Variants in PTPN18 observed in about 807,000 individuals in gnomAD.
PTPN18 encodes the protein tyrosine-protein phosphatase non-receptor type 18.
Under a neutral mutation model 65.4 loss-of-function variants are expected in PTPN18, and 65 were observed. That is an observed-to-expected ratio of 0.99 (90% CI 0.81 to 1.22). The LOEUF is 1.22. Ranked by LOEUF, PTPN18 falls within the 50% of genes most tolerant of loss-of-function variation. The pLI is 0.00. For missense variants in PTPN18, 616 were observed against 646.5 expected, an observed-to-expected ratio of 0.95 and a Z score of 0.51; for synonymous variants, 255 against 267.8, an observed-to-expected ratio of 0.95 and a Z score of 0.47.
rs765222334 is a variant in PTPN18, at chr2:130,369,138, G to T, written c.420G>T (p.Arg140Ser). Residue 140 changes from arginine (R) to serine (S), a missense_variant, in exon 6 of 15, where the codon AGG becomes AGT. Physicochemically the swap from Arg to Ser is moderately radical, Grantham distance 110. Around this residue, in one of 3 missense-constraint regions of PTPN18, gnomAD observed 223 missense variants for 210.0 expected, o/e 1.06. Transcript: ENST00000175756. ...ACREIENGRK[R>S]CERYWAQEQE... ...TTCTCCCTTACCTTTTGCAGAAAAG[G>T]TGTGAGCGGTACTGGGCCCAGGAGC... 8.1e-6 allele frequency: 13 copies of T among 1,611,636 alleles called. No homozygotes were observed. The highest frequency in any genetic ancestry group is 1.1e-5 in the South Asian group (1 of 90,872).
In PTPN18 at chr2:130,372,866, C is replaced by G; in HGVS notation, c.1241-7C>G. The stretch of plus-strand genomic sequence containing the variant: ...GAGCTGACCCGTGGGGGGTCTGCTG[C>G]CCTCAGTTCCTGCTGACCAAAGTCC... On this transcript the variant is annotated splice_polypyrimidine_tract_variant and splice_region_variant and intron_variant, in intron 13 of 14. Coordinates refer to ENST00000175756, the MANE Select transcript of PTPN18 (RefSeq NM_014369.4). The G allele has an allele frequency of 1.2e-6, 2 of 1,614,042 alleles. No individual in the cohort carries two copies. The highest frequency in any genetic ancestry group is 1.7e-6 in the Non-Finnish European group (2 of 1,180,000).
intron 5 of PTPN18, among the ~76,000 whole-genome samples, chr2:130,360,552 T>G (rs368628538): frequency 1.3e-5 from 2 of 152,220 alleles, no homozygotes; most frequent in East Asian, 1.9e-4. Flanking sequence ...CTATCTCTTT[T>G]TTCATGCTCC....
chr2:130,369,508 A>C (rs1034199147), intron 6 of PTPN18, among the ~76,000 whole-genome samples: 2 of 152,224 alleles, frequency 1.3e-5, no homozygotes, highest in African/African-American at 4.8e-5. Flanking sequence ...AAATGCAATA[A>C]AAGTTTCATT....
At chr2:130,372,731 A>G (rs1467219770) in intron 13 of PTPN18, 142 bp from the exon 14 acceptor site, 2 of 1,068,064 alleles carry the variant, frequency 1.9e-6, no homozygotes, top group Non-Finnish European at 2.7e-6. Context: ...GCTGGAGGCC[A>G]CGTCCGGGGT....
At chr2:130,363,188 C>T (rs1312842480) in intron 5 of PTPN18, among the ~76,000 whole-genome samples, 1 of 151,492 alleles carries the variant, frequency 6.6e-6, no homozygotes, top group African/African-American at 2.4e-5. Context: ...GTGGCTCATG[C>T]CTGTAATCCC....
At chr2:130,369,607 A>T (rs1442546408) in intron 6 of PTPN18, among the ~76,000 whole-genome samples, 158 bp from the exon 7 acceptor site, 1 of 152,188 alleles carries the variant, frequency 6.6e-6, no homozygotes, top group East Asian at 1.9e-4. Flanking sequence ...TGTTTCCTTA[A>T]TGAAAGCTTT....
In PTPN18 at chr2:130,372,243, C is replaced by G. The variant is rs779329960; in HGVS notation, c.1014-14C>G. The G allele has an allele frequency of 6.4e-7, 1 of 1,569,416 alleles. No individual in the cohort carries two copies. The highest frequency in any genetic ancestry group is 1.1e-5 in the South Asian group (1 of 87,702). ...GCCGCCGTTTCACTTCCTCCCGGCC[C>G]TCCCTGCCTGCAGGAGCATCTCTGT... On this transcript the variant is annotated splice_polypyrimidine_tract_variant and intron_variant, in intron 12 of 14. Transcript: ENST00000175756.
chr2:130,368,935 A>G (rs1012065635), intron 5 of PTPN18, 198 bp from the exon 6 acceptor site: 3 of 537,758 alleles, frequency 5.6e-6, no homozygotes, highest in Non-Finnish European at 1.0e-5. Flanking sequence ...TTTCCCCTGC[A>G]TGGTCAGCAG....
intron 5 of PTPN18, 22 bp downstream of exon 5, chr2:130,359,668 G>T (rs1465129247): frequency 6.2e-7 from 1 of 1,612,110 alleles, no homozygotes; most frequent in Non-Finnish European, 8.5e-7. Flanking sequence ...CTGCCCCCAG[G>T]TTTCATGTCC....
chr2:130,375,043 C>A lies in PTPN18; in HGVS notation c.*1819C>A. ...CTTCCTGTTCTCTGTGCCCCTACTC[C>A]CACTCTAGAGCTGCCCCGTTTCTCT... On this transcript the variant is annotated 3_prime_UTR_variant, in exon 15 of 15. Coordinates refer to ENST00000175756, the MANE Select transcript of PTPN18 (RefSeq NM_014369.4). The A allele has an allele frequency of 4.4e-6, 1 of 226,976 alleles. No homozygotes were observed. The highest frequency in any genetic ancestry group is 5.1e-5 in the Admixed American group (1 of 19,746). The allele number at this position is 226,976 out of a possible 1,614,324, so 14.1% of individuals were successfully genotyped here.
chr2:130,369,063 C>A, intron 5 of PTPN18, 70 bp from the exon 6 acceptor site: 2 of 1,370,894 alleles, frequency 1.5e-6, no homozygotes, highest in Non-Finnish European at 2.1e-6. Flanking sequence ...TGTCTTGTGG[C>A]ATGATTGAGC....
At chr2:130,369,958 T>C in intron 7 of PTPN18, 90 bp from the exon 8 acceptor site, 1 of 1,563,866 alleles carries the variant, frequency 6.4e-7, no homozygotes, top group South Asian at 1.1e-5. Flanking sequence ...GGAAGATGCC[T>C]AGAAGTGGGC....
At chr2:130,363,506 C>T (rs989180140) in intron 5 of PTPN18, among the ~76,000 whole-genome samples, 1 of 152,148 alleles carries the variant, frequency 6.6e-6, no homozygotes, top group African/African-American at 2.4e-5. Flanking sequence ...CATTTCCCAG[C>T]AACCTCTACA....
rs1245125475 is a variant in PTPN18, at chr2:130,371,211, C to G, written c.937C>G (p.Leu313Val). The change falls in exon 12 of 15, where the codon CTC becomes GTC. Residue 313 changes from leucine to valine, a missense_variant. By Grantham distance (32) the Leu-to-Val change is conservative. Coordinates refer to ENST00000175756, the MANE Select transcript of PTPN18 (RefSeq NM_014369.4). Reference sequence around the variant, plus strand: ...TGTTTTTCTTCAGAATTGTGCCCCACTCTACGACGATGCCCTCTTCCTCCG... The same window carrying G: ...TGTTTTTCTTCAGAATTGTGCCCCAGTCTACGACGATGCCCTCTTCCTCCG... ...YQNIKENCAP[L>V]YDDALFLRTP... 3 of 1,609,384 alleles carry G rather than the reference C, an allele frequency of 1.9e-6. No individual in the cohort carries two copies. Among genetic ancestry groups the G allele is most frequent in the Non-Finnish European group, 2.5e-6 (3 of 1,177,282 alleles).
rs3739123 is a variant in PTPN18, at chr2:130,373,851, G to C, written c.*627G>C. ...GTGCAGCCAGAGAGACCACCAAACAGAGCCCCCAAAAGACAGACATCTCTG... is the reference window on the plus strand; with the variant it reads ...GTGCAGCCAGAGAGACCACCAAACACAGCCCCCAAAAGACAGACATCTCTG... On this transcript the variant is annotated 3_prime_UTR_variant, in exon 15 of 15. Transcript: ENST00000175756. The surrounding 1 kb of genome is among the most constrained non-coding windows in gnomAD (Gnocchi z 4.1). The C allele has an allele frequency of 0.18, 27,018 of 154,198 alleles. 2,461 individuals are homozygous for C. Among genetic ancestry groups the C allele is most frequent in the Middle Eastern group, 0.2 (61 of 298 alleles). The allele number at this position is 154,198 out of a possible 1,614,324, so 9.6% of individuals were successfully genotyped here.
At chr2:130,361,038 T>C (rs1023914094) in intron 5 of PTPN18, among the ~76,000 whole-genome samples, 4 of 152,160 alleles carry the variant, frequency 2.6e-5, no homozygotes, top group African/African-American at 9.7e-5. Context: ...TTGAAAACAA[T>C]GTGTATTCTG....
At chr2:130,368,921 T>C in intron 5 of PTPN18, 1 of 492,666 alleles carries the variant, frequency 2.0e-6, no homozygotes, top group East Asian at 3.3e-5. Context: ...TATCCTGGAC[T>C]GTATTTCCCC....
In PTPN18 at chr2:130,364,208, A is replaced by G. The variant is rs1680315129; in HGVS notation, c.414+4562A>G. Among the ~76,000 whole-genome samples, 4 of 152,166 alleles carry G rather than the reference A, an allele frequency of 2.6e-5. No individual in the cohort carries two copies. The South Asian group carries it at 8.3e-4, about 31-fold the overall frequency. ...CATCCCAAACAGAAATTCTGTATTC[A>G]TTAAACAATAACTCCCCATTCCCCC... is the stretch of plus-strand genomic sequence containing the variant. On this transcript the variant is annotated intron_variant, in intron 5 of 14. Transcript: ENST00000175756.
intron 2 of PTPN18, 52 bp downstream of exon 2, chr2:130,359,027 G>A (rs770518267): frequency 8.2e-6 from 13 of 1,577,900 alleles, no homozygotes; most frequent in Admixed American, 3.4e-5. Context: ...GCCCTGCCAC[G>A]TCCAGGCGTC....
Sources: gnomAD v4.1 joint callset for allele counts (sites outside exome capture counted in the v4.1 genomes callset) on GRCh38, gnomAD v4.1.1 for gene constraint, gnomAD v4.1.1 regional missense constraint, Gnocchi (gnomAD v3.1) non-coding constraint, MANE v1.5 for transcripts, NCBI Gene and HGNC (gene_info 2026-07-23, HGNC 2026-07-21) for gene names.